SGCD: variants seen among roughly 807,000 people sequenced by gnomAD.
SGCD encodes sarcoglycan delta.
Under a neutral mutation model 36.6 loss-of-function variants are expected in SGCD, and 18 were observed. The ratio of observed to expected loss-of-function variants is 0.49; its 90% CI spans 0.34 to 0.73. SGCD has a LOEUF of 0.73. SGCD is among the 30% of genes least tolerant of loss of function. The pLI, the probability that SGCD is intolerant of heterozygous loss-of-function variation, is 0.01. For synonymous variants in SGCD, 133 were observed against 130.6 expected (o/e 1.02, Z -0.12); for missense variants, 387 against 346.7 (o/e 1.12, Z -0.92).
chr5:156,035,503 AG>A (rs1451768592), intron 1 of SGCD, among the ~76,000 whole-genome samples: 1 of 152,118 alleles, frequency 6.6e-6, no homozygotes, highest in African/African-American at 2.4e-5. Context: ...GCAGTTACTC[AG>A]GAGGCTAAGG....
intron 3 of SGCD, among the ~76,000 whole-genome samples, chr5:156,219,086 A>C (rs1306333402): frequency 1.3e-5 from 2 of 152,166 alleles, no homozygotes; most frequent in Admixed American, 1.3e-4. Context: ...ACAGTTTCTT[A>C]CTGTATTTTT....
intron 1 of SGCD, among the ~76,000 whole-genome samples, chr5:156,005,972 T>G (rs1447288074): frequency 6.6e-6 from 1 of 152,288 alleles, no homozygotes; most frequent in East Asian, 1.9e-4. Context: ...CCCCCTTTTT[T>G]GTGGCAAATT....
At chr5:156,591,860 G>A (rs1760735004) in intron 5 of SGCD, among the ~76,000 whole-genome samples, 2 of 152,144 alleles carry the variant, frequency 1.3e-5, no homozygotes, top group South Asian at 2.1e-4. Flanking sequence ...GCAGCCTCAG[G>A]TGAAATCAAC....
In SGCD at chr5:156,670,263, T is replaced by C. The variant is rs542718159; in HGVS notation, c.575+22727T>C. On this transcript the variant is annotated intron_variant, in intron 7 of 8. Transcript: ENST00000337851. ...AAAATAAATGATAATCTCTCAGCTTTTTAGAGCAGAATGGGCAAGCGTGTT... is the reference window on the plus strand; with the variant it reads ...AAAATAAATGATAATCTCTCAGCTTCTTAGAGCAGAATGGGCAAGCGTGTT... Among the ~76,000 whole-genome samples, 8 of 152,336 alleles carry C rather than the reference T, an allele frequency of 5.3e-5. 1 individual carries two copies. In the South Asian group the frequency reaches 1.2e-3, roughly 24 times the overall value.
At chr5:155,743,210 C>T in the SGCD span, among the ~76,000 whole-genome samples, 1 of 152,216 alleles carries the variant, frequency 6.6e-6, no homozygotes, top group African/African-American at 2.4e-5. Context: ...ACCCTACAAT[C>T]ACATAGTTGA....
chr5:155,947,979 A>C (rs998434739), intron 1 of SGCD, among the ~76,000 whole-genome samples: 2 of 152,202 alleles, frequency 1.3e-5, no homozygotes, highest in African/African-American at 4.8e-5. Flanking sequence ...AGATTTCATC[A>C]TATGTTTAAA....
intron 3 of SGCD, among the ~76,000 whole-genome samples, chr5:156,162,878 A>G (rs1339513033): frequency 2.0e-5 from 3 of 151,580 alleles, no homozygotes; most frequent in Non-Finnish European, 2.9e-5. Context: ...GGGTTCTATA[A>G]TAGCCCACAC....
At chr5:156,201,927 C>T (rs1764160038) in intron 3 of SGCD, among the ~76,000 whole-genome samples, 2 of 152,212 alleles carry the variant, frequency 1.3e-5, no homozygotes, top group South Asian at 4.1e-4. Context: ...GCTAATGAGG[C>T]CACAGGAGAG....
At chr5:156,274,003 TGA>T (rs1208907126) in intron 3 of SGCD, among the ~76,000 whole-genome samples, 2 of 152,110 alleles carry the variant, frequency 1.3e-5, no homozygotes, top group Admixed American at 6.6e-5. Context: ...CCTAAGGCTC[TGA>T]GAGGCCACTG....
chr5:156,418,579 G>A (rs1385842565), intron 3 of SGCD, among the ~76,000 whole-genome samples: 1 of 152,156 alleles, frequency 6.6e-6, no homozygotes, highest in East Asian at 1.9e-4. Context: ...GTGCTTTTCT[G>A]GATCTTGCAT....
At chr5:156,279,218 GA>G (rs1766387629) in intron 3 of SGCD, among the ~76,000 whole-genome samples, 1 of 152,088 alleles carries the variant, frequency 6.6e-6, no homozygotes, top group South Asian at 2.1e-4. Context: ...GGCGGGGTAG[GA>G]AACACAAAAA....
chr5:155,756,213 G>T, the SGCD span, among the ~76,000 whole-genome samples: 1 of 152,190 alleles, frequency 6.6e-6, no homozygotes, highest in African/African-American at 2.4e-5. Context: ...GGCAATCTTT[G>T]ATCAACATGC....
intron 3 of SGCD, among the ~76,000 whole-genome samples, chr5:156,394,268 T>C (rs2127757443): frequency 6.6e-6 from 1 of 152,346 alleles, no homozygotes; most frequent in Middle Eastern, 3.4e-3. Flanking sequence ...TAAGCAGTTG[T>C]GTAATACCAA....
At chr5:155,855,256 C>T in the SGCD span, among the ~76,000 whole-genome samples, 3 of 152,252 alleles carry the variant, frequency 2.0e-5, no homozygotes, top group South Asian at 6.2e-4. Flanking sequence ...TTTAAATACC[C>T]CAACTCCTTC....
chr5:156,167,026 A>G (rs1763230609), intron 3 of SGCD, among the ~76,000 whole-genome samples: 1 of 151,992 alleles, frequency 6.6e-6, no homozygotes, highest in Admixed American at 6.6e-5. Context: ...CTCCTTCCCT[A>G]ATTCTGAGGC....
At chr5:156,012,699 G>A (rs1350174105) in intron 1 of SGCD, among the ~76,000 whole-genome samples, 2 of 150,004 alleles carry the variant, frequency 1.3e-5, no homozygotes, top group African/African-American at 4.9e-5. Flanking sequence ...TGCAAGCTCC[G>A]CCTCCTGGGT....
the SGCD span, among the ~76,000 whole-genome samples, chr5:155,773,928 G>T: frequency 2.0e-5 from 3 of 151,936 alleles, no homozygotes; most frequent in African/African-American, 7.3e-5. Flanking sequence ...ATGTTGTGAG[G>T]GGGAGCATGA....
chr5:155,957,230 T>C (rs1483705194), intron 1 of SGCD, among the ~76,000 whole-genome samples: 1 of 151,992 alleles, frequency 6.6e-6, no homozygotes, highest in East Asian at 1.9e-4. Context: ...GTGAAGGTTG[T>C]AATGCGCTGC....
chr5:156,112,534 G>A (rs899460807), intron 1 of SGCD, among the ~76,000 whole-genome samples: 1 of 152,148 alleles, frequency 6.6e-6, no homozygotes, highest in Non-Finnish European at 1.5e-5. Context: ...AATAAATTCC[G>A]ATTACTTCAC....
Sources: allele counts gnomAD v4.1 joint callset (sites outside exome capture counted in the v4.1 genomes callset), GRCh38; gene constraint gnomAD v4.1.1; transcripts MANE v1.5; gene names NCBI Gene and HGNC (gene_info 2026-07-23, HGNC 2026-07-21).